Variants in CFAP70 observed in about 807,000 individuals in gnomAD.
CFAP70 encodes the protein cilia- and flagella-associated protein 70.
CFAP70 carries 81 observed loss-of-function variants against 137.6 expected under a neutral mutation model. The ratio of observed to expected loss-of-function variants is 0.59; its 90% CI spans 0.49 to 0.71. The LOEUF is 0.71. Ranked by LOEUF, CFAP70 falls within the 30% of genes least tolerant of loss-of-function variation. The probability of loss-of-function intolerance (pLI) is 0.00; values close to 1 mark genes in which losing one functional copy is unlikely to be tolerated. For synonymous variants in CFAP70, 382 were observed against 423.6 expected (o/e 0.90, Z 1.20); for missense variants, 976 against 1,226.7 (o/e 0.80, Z 3.05).
intron 25 of CFAP70, among the ~76,000 whole-genome samples, chr10:73,263,092 A>G (rs1264421755): frequency 6.6e-6 from 1 of 152,074 alleles, no homozygotes; most frequent in African/African-American, 2.4e-5. Flanking sequence ...TCATTCATTC[A>G]TTTCTTCATT....
intron 12 of CFAP70, among the ~76,000 whole-genome samples, chr10:73,301,640 C>T (rs1413700744): frequency 6.6e-6 from 1 of 152,110 alleles, no homozygotes; most frequent in Non-Finnish European, 1.5e-5. Flanking sequence ...AGGAGAATGA[C>T]TGCTAATGTA....
intron 12 of CFAP70, among the ~76,000 whole-genome samples, chr10:73,304,197 G>T (rs2132028320): frequency 6.6e-6 from 1 of 152,126 alleles, no homozygotes; most frequent in African/African-American, 2.4e-5. Flanking sequence ...GGGACTACAG[G>T]CACCCACCAT....
At chr10:73,285,635 CTTTTTTT>C (rs769793433) in intron 19 of CFAP70, among the ~76,000 whole-genome samples, 3 of 136,936 alleles carry the variant, frequency 2.2e-5, no homozygotes, top group Non-Finnish European at 3.2e-5. Context: ...ACTATATTTT[CTTTTTTT>C]TTTTTTTTTT....
At chr10:73,305,706 C>G (rs935368375) in intron 12 of CFAP70, among the ~76,000 whole-genome samples, 3 of 152,066 alleles carry the variant, frequency 2.0e-5, no homozygotes, top group African/African-American at 7.2e-5. Context: ...CCAAACGTAG[C>G]GAAGGGAAAA....
chr10:73,282,103 C>G (rs1396227817), intron 19 of CFAP70, among the ~76,000 whole-genome samples: 2 of 119,726 alleles, frequency 1.7e-5, no homozygotes, highest in Non-Finnish European at 3.4e-5. Flanking sequence ...CATATTGAGG[C>G]TGGGGAAGGC....
At chr10:73,345,744 C>G (rs1457881167) in intron 4 of CFAP70, among the ~76,000 whole-genome samples, 1 of 151,852 alleles carries the variant, frequency 6.6e-6, no homozygotes, top group Non-Finnish European at 1.5e-5. Flanking sequence ...AGGCAGTGAG[C>G]TGAGATTGTG....
intron 25 of CFAP70, among the ~76,000 whole-genome samples, chr10:73,267,254 G>A (rs1347481291): frequency 2.0e-5 from 3 of 152,186 alleles, no homozygotes; most frequent in Admixed American, 6.6e-5. Flanking sequence ...AGGACTGAAG[G>A]ATCCAAGAAA....
At chr10:73,339,449 G>A (rs888982416) in intron 6 of CFAP70, among the ~76,000 whole-genome samples, 8 of 152,212 alleles carry the variant, frequency 5.3e-5, no homozygotes, top group African/African-American at 1.9e-4. Flanking sequence ...TGCTTTTCCA[G>A]CAGAAAACCT....
intron 19 of CFAP70, among the ~76,000 whole-genome samples, chr10:73,284,798 A>G (rs1359431216): frequency 1.2e-5 from 1 of 80,364 alleles, no homozygotes; most frequent in South Asian, 4.3e-4. Flanking sequence ...ATATATATAT[A>G]TATATAAAAG....
chr10:73,297,818 T>G (rs1273738054), intron 14 of CFAP70, among the ~76,000 whole-genome samples: 2 of 152,190 alleles, frequency 1.3e-5, no homozygotes, highest in Non-Finnish European at 2.9e-5. Flanking sequence ...TTAATTCTCA[T>G]ATGACCTTAT....
At chr10:73,329,868 A>G (rs1258094430) in intron 8 of CFAP70, among the ~76,000 whole-genome samples, 1 of 152,194 alleles carries the variant, frequency 6.6e-6, no homozygotes, top group African/African-American at 2.4e-5. Context: ...GTTCAAAAGG[A>G]AAGAGTGCTT....
chr10:73,317,119 G>C (rs1589456603), intron 9 of CFAP70, among the ~76,000 whole-genome samples: 1 of 152,138 alleles, frequency 6.6e-6, no homozygotes, highest in South Asian at 2.1e-4. Flanking sequence ...TCCTGCCTCA[G>C]GAATTCTCCT....
intron 1 of CFAP70, among the ~76,000 whole-genome samples, chr10:73,357,796 G>A (rs1057373891): frequency 1.3e-5 from 2 of 151,992 alleles, no homozygotes; most frequent in Non-Finnish European, 2.9e-5. Context: ...TCCTCACTCC[G>A]TCTCTACAGC....
chr10:73,357,986 C>T (rs2054797307), intron 1 of CFAP70, among the ~76,000 whole-genome samples: 1 of 152,260 alleles, frequency 6.6e-6, no homozygotes. Flanking sequence ...TACTTAACAA[C>T]TATGTGCCCC....
At position 73,254,979 on chromosome 10, in the gene CFAP70, C is replaced by G. The variant is rs1403555819; in HGVS notation, c.3076-924G>C. Reference sequence around the variant, plus strand: ...TACTTGCAATTCATAACTAATAGAACAGGCCAGGCATGTTGGCCCCCACCT... The same window carrying G: ...TACTTGCAATTCATAACTAATAGAAGAGGCCAGGCATGTTGGCCCCCACCT... On this transcript the variant is annotated intron_variant, in intron 26 of 26. Coordinates refer to ENST00000310715, the Ensembl canonical transcript of CFAP70. Among the ~76,000 whole-genome samples the G allele has an allele frequency of 4.6e-5, 7 of 152,306 alleles. No homozygotes were observed. In the East Asian group the frequency reaches 9.6e-4, roughly 21 times the overall value.
At chr10:73,267,928 T>C (rs2045922052) in intron 25 of CFAP70, among the ~76,000 whole-genome samples, 1 of 152,198 alleles carries the variant, frequency 6.6e-6, no homozygotes, top group Non-Finnish European at 1.5e-5. Context: ...CCTTGACATG[T>C]GGTCCTTCTC....
At chr10:73,350,652 A>T (rs2054114680) in intron 3 of CFAP70, among the ~76,000 whole-genome samples, 1 of 152,162 alleles carries the variant, frequency 6.6e-6, no homozygotes, top group South Asian at 2.1e-4. Flanking sequence ...CAGTTGTGAA[A>T]TACTTATAAA....
chr10:73,297,176 G>A lies in CFAP70; in HGVS notation c.1513-3C>T, dbSNP rs1454360646. On this transcript the variant is annotated splice_region_variant and splice_polypyrimidine_tract_variant and intron_variant, in intron 14 of 26. Coordinates refer to ENST00000310715, the Ensembl canonical transcript of CFAP70. Reference sequence around the variant, plus strand: ...CTCACAATCTTTACCACAGCATGCTGCAAGACACACAGATCACCCATCTGA... The same window carrying A: ...CTCACAATCTTTACCACAGCATGCTACAAGACACACAGATCACCCATCTGA... 1.2e-6 allele frequency: 2 copies of A among 1,610,638 alleles called. No individual in the cohort carries two copies. Among genetic ancestry groups the A allele is most frequent in the Non-Finnish European group, 1.7e-6 (2 of 1,178,408 alleles).
intron 25 of CFAP70, among the ~76,000 whole-genome samples, chr10:73,269,284 C>T (rs576024502): frequency 7.8e-4 from 119 of 152,294 alleles, no homozygotes; most frequent in Admixed American, 2.8e-3. Context: ...GCACCCTCAG[C>T]CAGCATTTCA....
Sources: allele counts gnomAD v4.1 joint callset (sites outside exome capture counted in the v4.1 genomes callset), GRCh38; gene constraint gnomAD v4.1.1; transcripts MANE v1.5; gene names NCBI Gene and HGNC (gene_info 2026-07-23, HGNC 2026-07-21).